Variants in LPAR1 observed in about 807,000 individuals in gnomAD.
LPAR1 encodes lysophosphatidic acid receptor 1, also known as LPA receptor 1.
LPAR1 carries 5 observed loss-of-function variants against 23.8 expected under a neutral mutation model. That is an observed-to-expected ratio of 0.21 (90% confidence interval 0.11 to 0.44). The LOEUF (loss-of-function observed/expected upper bound fraction) is 0.44. LPAR1 is among the 20% of genes least tolerant of loss of function. LPAR1 has a pLI of 0.99. For missense variants in LPAR1, 311 were observed against 482.8 expected, an observed-to-expected ratio of 0.64 and a Z score of 3.33; for synonymous variants, 160 against 164.7, an observed-to-expected ratio of 0.97 and a Z score of 0.22.
intron 5 of LPAR1, among the ~76,000 whole-genome samples, chr9:110,925,244 A>G (rs1588355254): frequency 6.7e-6 from 1 of 149,756 alleles, no homozygotes; most frequent in Non-Finnish European, 1.5e-5. Context: ...ATGACATAAT[A>G]TATATTTAAT....
chr9:110,947,929 AT>A (rs2095440780), intron 4 of LPAR1, among the ~76,000 whole-genome samples: 2 of 152,074 alleles, frequency 1.3e-5, no homozygotes, highest in African/African-American at 4.8e-5. Context: ...TATAAATCAA[AT>A]CAAACCAACT....
intron 5 of LPAR1, among the ~76,000 whole-genome samples, chr9:110,913,175 T>C (rs757264528): frequency 2.0e-5 from 3 of 152,362 alleles, no homozygotes; most frequent in East Asian, 1.9e-4. Flanking sequence ...TGGGATATAA[T>C]AGATACCATC....
intron 5 of LPAR1, among the ~76,000 whole-genome samples, chr9:110,926,980 A>G (rs918998081): frequency 6.6e-6 from 1 of 152,248 alleles, no homozygotes; most frequent in Admixed American, 6.5e-5. Context: ...TTCTGTTTCA[A>G]TAGTCTGGGC....
chr9:111,028,132 ATTTT>A (rs564873913), intron 2 of LPAR1, among the ~76,000 whole-genome samples: 1 of 144,526 alleles, frequency 6.9e-6, no homozygotes. Context: ...TGGAATAAGA[ATTTT>A]TTTTTTTTTT....
chr9:111,020,014 T>A (rs1306763495), intron 2 of LPAR1, among the ~76,000 whole-genome samples: 1 of 152,180 alleles, frequency 6.6e-6, no homozygotes, highest in East Asian at 1.9e-4. Context: ...CAGCCTTTCC[T>A]TGGTGAATGT....
In LPAR1 at chr9:111,030,078, T is replaced by C. The variant is rs536044721; in HGVS notation, c.-182+6044A>G. 2.3e-4 allele frequency among the ~76,000 whole-genome samples: 34 copies of C among 149,372 alleles called. No homozygotes were observed. In the East Asian group the frequency reaches 6.3e-3, roughly 28 times the overall value. ...AAAAAAAAAAAAAAAAAATTTAGTGTCCTCAGCCAAACGTAAGGACACAGA... is the reference window on the plus strand; with the variant it reads ...AAAAAAAAAAAAAAAAAATTTAGTGCCCTCAGCCAAACGTAAGGACACAGA... On this transcript the variant is annotated intron_variant, in intron 2 of 5. Transcript: ENST00000683809.
chr9:111,016,904 GT>G (rs1181205399), intron 2 of LPAR1, among the ~76,000 whole-genome samples: 3 of 152,018 alleles, frequency 2.0e-5, no homozygotes, highest in Admixed American at 1.3e-4. Context: ...GAGCAATACA[GT>G]TTTTTTTAAC....
In LPAR1 at chr9:111,038,311, C is replaced by T. The variant is rs1273176170; in HGVS notation, c.-406G>A. ...TCGGCAGTCGCCCAGAGCGGGGCCGCCCCCTGCGCCCACCCCGCCGGGGTC... is the reference window on the plus strand; with the variant it reads ...TCGGCAGTCGCCCAGAGCGGGGCCGTCCCCTGCGCCCACCCCGCCGGGGTC... On this transcript the variant is annotated 5_prime_UTR_variant, in exon 1 of 6. Transcript: ENST00000683809. This position sits in a 1 kb window ranked among gnomAD's most constrained non-coding sequence, Gnocchi z 4.4. 3.3e-5 allele frequency: 5 copies of T among 149,566 alleles called. No homozygotes were observed. Among genetic ancestry groups the T allele is most frequent in the Non-Finnish European group, 5.9e-5 (4 of 67,334 alleles). 9.3% of individuals were successfully genotyped at this position (149,566 alleles called of 1,614,324 possible).
intron 5 of LPAR1, among the ~76,000 whole-genome samples, chr9:110,879,824 T>A (rs1043951239): frequency 2.6e-5 from 4 of 152,146 alleles, no homozygotes; most frequent in Admixed American, 2.6e-4. Flanking sequence ...GGAGAAGTAT[T>A]TAGGAGACGG....
In LPAR1 at chr9:110,985,088, T is replaced by C. The variant is rs181493645; in HGVS notation, c.-181-11530A>G. Among the ~76,000 whole-genome samples the C allele has an allele frequency of 2.0e-3, 301 of 152,134 alleles. 1 individual carries two copies. Among genetic ancestry groups the C allele is most frequent in the South Asian group, 7.3e-3 (35 of 4,822 alleles). On this transcript the variant is annotated intron_variant, in intron 2 of 5. Coordinates refer to ENST00000683809, the MANE Select transcript of LPAR1 (RefSeq NM_001351411.2). ...CCCCCTTCACTGACAGTGAAGCAAA[T>C]GGTTCAGCTGGGATGAAGGAGGCTA...
chr9:110,966,351 C>T (rs530194041), intron 4 of LPAR1, among the ~76,000 whole-genome samples: 282 of 152,012 alleles, frequency 1.9e-3, no homozygotes, highest in African/African-American at 6.4e-3. Context: ...TGGTGGCACA[C>T]GCCTGTAGTC....
At chr9:110,994,113 A>G (rs575422648) in intron 2 of LPAR1, among the ~76,000 whole-genome samples, 43 of 152,328 alleles carry the variant, frequency 2.8e-4, no homozygotes, top group Non-Finnish European at 5.1e-4. Context: ...ATAATGGAGC[A>G]AATCAACAGT....
In LPAR1 at chr9:110,875,510, C is replaced by A. The variant is rs142117056; in HGVS notation, c.1006G>T (p.Gly336Cys). Residue 336 changes from glycine (G) to cysteine (C), a missense_variant, in exon 6 of 6, where the codon GGC becomes TGC. Physicochemically the swap from Gly to Cys is radical, Grantham distance 159. Coordinates refer to ENST00000683809, the MANE Select transcript of LPAR1 (RefSeq NM_001351411.2). Reference protein sequence around the residue: ...LCCQRSENPTGPTEGSDRSAS... With the variant: ...LCCQRSENPTCPTEGSDRSAS... ...GAGCGGTCTGAGCCTTCTGTGGGGC[C>A]GGTGGGGTTCTCACTGCGCTGGCAG... The A allele has an allele frequency of 3.7e-6, 6 of 1,613,950 alleles. No homozygotes were observed. Among genetic ancestry groups the A allele is most frequent in the Non-Finnish European group, 5.1e-6 (6 of 1,179,978 alleles).
At chr9:110,954,067 A>G (rs1286067513) in intron 4 of LPAR1, among the ~76,000 whole-genome samples, 1 of 152,124 alleles carries the variant, frequency 6.6e-6, no homozygotes, top group Non-Finnish European at 1.5e-5. Flanking sequence ...GAAATCAGAA[A>G]AGCAATTCAG....
intron 4 of LPAR1, among the ~76,000 whole-genome samples, chr9:110,968,004 G>A (rs376027611): frequency 1.3e-5 from 2 of 152,012 alleles, no homozygotes; most frequent in African/African-American, 4.8e-5. Flanking sequence ...CCCAAAATAC[G>A]GTGAGAATAA....
intron 4 of LPAR1, among the ~76,000 whole-genome samples, chr9:110,943,396 AC>A (rs2095246578): frequency 6.6e-6 from 1 of 152,086 alleles, no homozygotes; most frequent in Non-Finnish European, 1.5e-5. Flanking sequence ...TAGGTTGTAC[AC>A]TAAAACTTCC....
chr9:110,999,422 G>C (rs2097086874), intron 2 of LPAR1: 1 of 456,044 alleles, frequency 2.2e-6, no homozygotes, highest in Non-Finnish European at 4.4e-6. Context: ...GAATGAGCAG[G>C]AATGAGTAGC....
At chr9:111,005,182 T>C (rs1378219901) in intron 2 of LPAR1, among the ~76,000 whole-genome samples, 3 of 147,268 alleles carry the variant, frequency 2.0e-5, no homozygotes, top group African/African-American at 7.5e-5. Flanking sequence ...AAAAGTTCTC[T>C]AGCTCTAATC....
intron 4 of LPAR1, among the ~76,000 whole-genome samples, chr9:110,947,129 G>A (rs1381023852): frequency 6.6e-6 from 1 of 152,098 alleles, no homozygotes; most frequent in Non-Finnish European, 1.5e-5. Flanking sequence ...TTATGTAGGT[G>A]AGATTATAGA....
Sources: gnomAD v4.1 joint callset for allele counts (sites outside exome capture counted in the v4.1 genomes callset) on GRCh38, gnomAD v4.1.1 for gene constraint, Gnocchi (gnomAD v3.1) non-coding constraint, MANE v1.5 for transcripts, NCBI Gene and HGNC (gene_info 2026-07-23, HGNC 2026-07-21) for gene names.